Variants in DCST1 observed in about 807,000 individuals in gnomAD.
DCST1 encodes the protein E3 ubiquitin-protein ligase DCST1.
In DCST1, 78 loss-of-function variants were observed where a neutral mutation model predicts 89.1. That is an observed-to-expected ratio of 0.88 (90% confidence interval 0.73 to 1.06). DCST1 has a LOEUF of 1.06. Among genes scored for constraint, DCST1 ranks in the 50% least tolerant of loss-of-function variants. DCST1 has a pLI of 0.00. For missense variants in DCST1, 900 were observed against 928.6 expected (o/e 0.97, Z 0.40); for synonymous variants, 364 against 371.9 (o/e 0.98, Z 0.24).
intron 4 of DCST1, among the ~76,000 whole-genome samples, chr1:155,039,034 A>T (rs1197720351): frequency 6.6e-6 from 1 of 152,172 alleles, no homozygotes; most frequent in Non-Finnish European, 1.5e-5. Flanking sequence ...GAGCATGAGC[A>T]CCTGTTTCCA....
chr1:155,049,856 C>A (rs1660826060), intron 16 of DCST1, among the ~76,000 whole-genome samples: 1 of 152,190 alleles, frequency 6.6e-6, no homozygotes, highest in Non-Finnish European at 1.5e-5. Flanking sequence ...AATGTGAATG[C>A]ACAGATGGAA....
chr1:155,045,008 G>T (rs1397932455), intron 10 of DCST1, among the ~76,000 whole-genome samples: 1 of 152,236 alleles, frequency 6.6e-6, no homozygotes, highest in Non-Finnish European at 1.5e-5. Context: ...CAAGCTGGGT[G>T]AGGTCATGCA....
rs746947901 is a variant in DCST1 at position 155,045,940 on chromosome 1, A to T, written c.1220A>T (p.Asn407Ile). The change falls in exon 11 of 17, where the codon AAC becomes ATC. Residue 407 changes from asparagine to isoleucine, a missense_variant. Physicochemically the swap from Asn to Ile is moderately radical, Grantham distance 149 (BLOSUM62 -3). Transcript: ENST00000295542. ...TATAACCATGACATTCGTTTTGACA[A>T]CATCTACATCAGTACCTACTTCTGC... Reference protein sequence around the residue: ...DSYNHDIRFDNIYISTYFCQI... With the variant: ...DSYNHDIRFDIIYISTYFCQI... 7 of 1,614,230 alleles carry T rather than the reference A, an allele frequency of 4.3e-6. No homozygotes were observed. Among genetic ancestry groups the T allele is most frequent in the Admixed American group, 3.3e-5 (2 of 60,034 alleles).
intron 4 of DCST1, 152 bp from the exon 5 acceptor site, chr1:155,039,251 C>T: frequency 1.1e-6 from 1 of 880,176 alleles, no homozygotes. Context: ...AATGAGTGGC[C>T]CAGCAGGTCT....
chr1:155,044,849 G>C (rs909826022), intron 10 of DCST1, among the ~76,000 whole-genome samples: 1 of 152,202 alleles, frequency 6.6e-6, no homozygotes, highest in Non-Finnish European at 1.5e-5. Context: ...AGGCCAGGCT[G>C]GGTTGGAGGT....
At chr1:155,041,988 G>A in intron 8 of DCST1, 131 bp downstream of exon 8, 1 of 1,242,700 alleles carries the variant, frequency 8.0e-7, no homozygotes, top group Non-Finnish European at 1.1e-6. Flanking sequence ...CATCCTTAGA[G>A]CCCTCCACCT....
chr1:155,042,008 C>T (rs757826581), intron 8 of DCST1, 151 bp downstream of exon 8: 5 of 1,077,132 alleles, frequency 4.6e-6, no homozygotes, highest in Non-Finnish European at 6.6e-6. Context: ...TGCTGAATAG[C>T]TCTGTGACGC....
chr1:155,043,638 T>C, intron 10 of DCST1, 129 bp downstream of exon 10: 2 of 1,202,910 alleles, frequency 1.7e-6, no homozygotes, highest in Non-Finnish European at 2.2e-6. Flanking sequence ...TTTACCTTTG[T>C]CTTTGTTTAC....
chr1:155,035,560 G>A (rs1660253799), intron 4 of DCST1, among the ~76,000 whole-genome samples: 1 of 152,016 alleles, frequency 6.6e-6, no homozygotes, highest in Admixed American at 6.6e-5. Context: ...TTCTCTTCAG[G>A]TCACAAGATA....
chr1:155,041,729 C>T lies in DCST1; in HGVS notation c.764C>T (p.Ala255Val), dbSNP rs1308352706. Reference protein sequence around the residue: ...KLRCSYVVNQAILSCRRWFDR... With the variant: ...KLRCSYVVNQVILSCRRWFDR... Reference sequence around the variant, plus strand: ...CTTCCTACAGATGTGGTGAACCAGGCCATACTCAGCTGCCGTCGTTGGTTT... The same window carrying T: ...CTTCCTACAGATGTGGTGAACCAGGTCATACTCAGCTGCCGTCGTTGGTTT... Residue 255 changes from alanine (A) to valine (V), a missense_variant, in exon 8 of 17, where the codon GCC (alanine) becomes GTC (valine). Coordinates refer to ENST00000295542, the MANE Select transcript of DCST1 (RefSeq NM_152494.4). 1 of 1,614,086 alleles carries T rather than the reference C, an allele frequency of 6.2e-7. No individual in the cohort carries two copies. Among genetic ancestry groups the T allele is most frequent in the Non-Finnish European group, 8.5e-7 (1 of 1,180,046 alleles).
chr1:155,043,231 G>A, intron 9 of DCST1, 121 bp from the exon 10 acceptor site: 1 of 1,436,946 alleles, frequency 7.0e-7, no homozygotes, highest in Non-Finnish European at 9.6e-7. Flanking sequence ...ACAACTCCTA[G>A]AGGTCCTGGG....
rs1157384249 is a variant in DCST1 at position 155,050,895 on chromosome 1, C to T, written c.*27C>T. 1 of 1,599,114 alleles carries T rather than the reference C, an allele frequency of 6.3e-7. No homozygotes were observed. Among genetic ancestry groups the T allele is most frequent in the Admixed American group, 1.7e-5 (1 of 59,690 alleles). The stretch of plus-strand genomic sequence containing the variant: ...GAGGCGTCCTGCTCGCTCTTCCGCA[C>T]CGTCCTTCCCGGTTAATAAAATGCC... On this transcript the variant is annotated 3_prime_UTR_variant, in exon 17 of 17. Coordinates refer to ENST00000295542, the MANE Select transcript of DCST1 (RefSeq NM_152494.4).
Position 155,034,493 on chromosome 1 carries a change from C to T in DCST1, c.120C>T (p.Arg40=). 1 of 1,613,724 alleles carries T rather than the reference C, an allele frequency of 6.2e-7. No individual in the cohort carries two copies. The highest frequency in any genetic ancestry group is 8.5e-7 in the Non-Finnish European group (1 of 1,179,882). The change falls in exon 3 of 17, where the codon CGC becomes CGT. Residue 40 remains arginine (R), a synonymous_variant. Coordinates refer to ENST00000295542, the MANE Select transcript of DCST1 (RefSeq NM_152494.4). ...LPVSCSWFLW[R]QPGEFPVTAL... ...TCTCCTGTAGCTGGTTCCTGTGGCGCCAGCCGGGCGAGTTTCCTGTCACTG... is the reference window on the plus strand; with the variant it reads ...TCTCCTGTAGCTGGTTCCTGTGGCGTCAGCCGGGCGAGTTTCCTGTCACTG...
intron 15 of DCST1, 23 bp from the exon 16 acceptor site, chr1:155,048,034 A>G (rs950418652): frequency 6.2e-7 from 1 of 1,613,398 alleles, no homozygotes; most frequent in Non-Finnish European, 8.5e-7. Flanking sequence ...TTTCTCTATC[A>G]TTGACCCCCT....
intron 4 of DCST1, among the ~76,000 whole-genome samples, chr1:155,038,296 C>T (rs529135484): frequency 6.6e-6 from 1 of 152,360 alleles, no homozygotes; most frequent in East Asian, 1.9e-4. Context: ...AGATCACAAG[C>T]TAGGTAGACC....
chr1:155,044,403 A>T (rs1353876161), intron 10 of DCST1, among the ~76,000 whole-genome samples: 2 of 138,902 alleles, frequency 1.4e-5, no homozygotes, highest in Non-Finnish European at 3.0e-5. Context: ...AATCACTGGG[A>T]GGTCGAAGCT....
At chr1:155,040,204 G>A (rs1277154661) in intron 5 of DCST1, among the ~76,000 whole-genome samples, 1 of 150,290 alleles carries the variant, frequency 6.7e-6, no homozygotes, top group Non-Finnish European at 1.5e-5. Context: ...TCAGGAGGCT[G>A]AGGCAGGAGA....
rs1329885316 is a variant in DCST1 at position 155,048,927 on chromosome 1, C to T, written c.1869+757C>T. 5 of 685,088 alleles carry T rather than the reference C, an allele frequency of 7.3e-6. No homozygotes were observed. The African/African-American group carries it at 8.8e-5, about 12-fold the overall frequency. The allele number at this position is 685,088 out of a possible 1,614,324, so 42.4% of individuals were successfully genotyped here. On this transcript the variant is annotated intron_variant, in intron 16 of 16. Transcript: ENST00000295542. ...CCTCATGCAGGGGCACATGGTAAGG[C>T]ACATGGAATCTGAGGAAGCAGACTC...
In DCST1 at chr1:155,034,494, C is replaced by G. The variant is rs1317581651; in HGVS notation, c.121C>G (p.Gln41Glu). ...PVSCSWFLWR[Q>E]PGEFPVTALL... ...CTCCTGTAGCTGGTTCCTGTGGCGC[C>G]AGCCGGGCGAGTTTCCTGTCACTGC... The change falls in exon 3 of 17, where the codon CAG (glutamine) becomes GAG (glutamate). Residue 41 changes from glutamine to glutamate, a missense_variant. Physicochemically the swap from Gln to Glu is conservative, Grantham distance 29 (BLOSUM62 2). Coordinates refer to ENST00000295542, the MANE Select transcript of DCST1 (RefSeq NM_152494.4). 1.9e-6 allele frequency: 3 copies of G among 1,613,626 alleles called. No homozygotes were observed. In the African/African-American group the frequency reaches 4.0e-5, roughly 22 times the overall value.
Sources: gnomAD v4.1 joint callset for allele counts (sites outside exome capture counted in the v4.1 genomes callset) on GRCh38, gnomAD v4.1.1 for gene constraint, MANE v1.5 for transcripts, NCBI Gene and HGNC (gene_info 2026-07-23, HGNC 2026-07-21) for gene names.